Variants in TAS2R1 observed in about 807,000 individuals in gnomAD.
TAS2R1 encodes the protein taste receptor type 2 member 1.
For missense variants in TAS2R1, 370 were observed against 353.4 expected (o/e 1.05, Z -0.38); for synonymous variants, 141 against 134.2 (o/e 1.05, Z -0.35).
At chr5:9,633,740 A>G (rs1438829913), upstream of TAS2R1, among the ~76,000 whole-genome samples, 1 of 151,558 alleles carries the variant, frequency 6.6e-6, no homozygotes, top group Non-Finnish European at 1.5e-5. Flanking sequence ...GGCTATTTGT[A>G]TATCTTGAGA....
the TAS2R1 span, chr5:9,889,953 GA>G: frequency 6.6e-6 from 1 of 152,200 alleles, no homozygotes; most frequent in African/African-American, 2.4e-5. Context: ...GGTATATTGA[GA>G]TACCAAGTAA....
chr5:9,691,577 C>T (rs562038369), intron 1 of TAS2R1, among the ~76,000 whole-genome samples: 2 of 152,264 alleles, frequency 1.3e-5, no homozygotes, highest in South Asian at 2.1e-4. Context: ...TATTTCATAT[C>T]GTAAGGAAAG....
intron 1 of TAS2R1, among the ~76,000 whole-genome samples, chr5:9,697,235 G>C (rs1185417594): frequency 6.6e-6 from 1 of 151,476 alleles, no homozygotes; most frequent in Non-Finnish European, 1.5e-5. Context: ...TTAAAAATCA[G>C]GAAAAAGAAA....
chr5:9,792,251 G>A, the TAS2R1 span, among the ~76,000 whole-genome samples: 119,740 of 152,158 alleles, frequency 0.79, 47,378 homozygotes, highest in East Asian at 0.87. Flanking sequence ...ATATATGCAT[G>A]TAAATGCATG....
intron 2 of TAS2R1, among the ~76,000 whole-genome samples, chr5:9,644,772 G>A (rs1295654266): frequency 2.6e-5 from 4 of 152,254 alleles, no homozygotes; most frequent in South Asian, 2.1e-4. Flanking sequence ...GTGTCACTTC[G>A]ATTGTCCTGT....
chr5:9,630,449 G>T (rs142487801), upstream of TAS2R1: 2 of 168,986 alleles, frequency 1.2e-5, no homozygotes, highest in Non-Finnish European at 2.9e-5. Context: ...TAATGTTATC[G>T]TGTACTCTTT....
chr5:9,830,605 G>GCGCACACA, the TAS2R1 span, among the ~76,000 whole-genome samples: 396 of 149,800 alleles, frequency 2.6e-3, 2 homozygotes, highest in East Asian at 6.7e-3. Context: ...ACGTGCGCGC[G>GCGCACACA]CACACACACA....
At chr5:9,889,321 G>A in the TAS2R1 span, among the ~76,000 whole-genome samples, 3 of 152,128 alleles carry the variant, frequency 2.0e-5, no homozygotes, top group African/African-American at 7.2e-5. Context: ...TAACTGAAAG[G>A]AAAGCAGGAT....
the TAS2R1 span, among the ~76,000 whole-genome samples, chr5:9,864,751 T>C: frequency 6.6e-6 from 1 of 151,864 alleles, no homozygotes; most frequent in Admixed American, 6.6e-5. Context: ...AATGGAATGG[T>C]AAAAAGTACA....
the TAS2R1 span, among the ~76,000 whole-genome samples, chr5:9,842,154 T>C: frequency 6.6e-6 from 1 of 151,796 alleles, no homozygotes; most frequent in Non-Finnish European, 1.5e-5. Context: ...TGTCTGTCTC[T>C]ACTGTCCTTT....
chr5:9,876,447 A>G, the TAS2R1 span, among the ~76,000 whole-genome samples: 1 of 152,038 alleles, frequency 6.6e-6, no homozygotes, highest in Non-Finnish European at 1.5e-5. Flanking sequence ...GAAGGCCACA[A>G]TTGTTCTCTT....
At chr5:9,676,432 A>G (rs1057046307) in intron 1 of TAS2R1, among the ~76,000 whole-genome samples, 5 of 152,200 alleles carry the variant, frequency 3.3e-5, no homozygotes, top group Admixed American at 1.3e-4. Flanking sequence ...AATATAACAG[A>G]AGGCCCAGAA....
the TAS2R1 span, among the ~76,000 whole-genome samples, chr5:9,849,761 T>G: frequency 6.6e-6 from 1 of 152,200 alleles, no homozygotes; most frequent in African/African-American, 2.4e-5. Context: ...AAACACTGGT[T>G]AATTGACAAA....
the TAS2R1 span, among the ~76,000 whole-genome samples, chr5:9,873,423 T>TA: frequency 6.6e-6 from 1 of 151,056 alleles, no homozygotes; most frequent in South Asian, 2.1e-4. Flanking sequence ...TTTTTTTTTT[T>TA]AACCTCTTCT....
At chr5:9,897,459 A>G in the TAS2R1 span, among the ~76,000 whole-genome samples, 4 of 152,200 alleles carry the variant, frequency 2.6e-5, no homozygotes, top group Non-Finnish European at 4.4e-5. Context: ...AAAAAACAAA[A>G]AAACAAAAAA....
chr5:9,664,566 C>T (rs1282633316), intron 1 of TAS2R1, among the ~76,000 whole-genome samples: 1 of 152,184 alleles, frequency 6.6e-6, no homozygotes, highest in Non-Finnish European at 1.5e-5. Context: ...TAGAAGATGC[C>T]ACAGTCTGCT....
At chr5:9,890,404 C>T in the TAS2R1 span, among the ~76,000 whole-genome samples, 183 of 152,280 alleles carry the variant, frequency 1.2e-3, 3 homozygotes, top group East Asian at 0.031. Flanking sequence ...CTTCCTCCTC[C>T]GCCTCACATC....
chr5:9,859,289 A>T, the TAS2R1 span, among the ~76,000 whole-genome samples: 1,050 of 152,344 alleles, frequency 6.9e-3, 11 homozygotes, highest in African/African-American at 0.024. Context: ...AAACCAAATG[A>T]AAGCAAAGGT....
At chr5:9,894,173 C>T in the TAS2R1 span, among the ~76,000 whole-genome samples, 6 of 152,034 alleles carry the variant, frequency 3.9e-5, no homozygotes, top group South Asian at 2.1e-4. Context: ...GAAGCCGAGG[C>T]GGGTGGATCA....
Sources: gnomAD v4.1 joint callset for allele counts (sites outside exome capture counted in the v4.1 genomes callset) on GRCh38, gnomAD v4.1.1 for gene constraint, MANE v1.5 for transcripts, NCBI Gene and HGNC (gene_info 2026-07-23, HGNC 2026-07-21) for gene names.